CABLES1: variants seen among roughly 807,000 people sequenced by gnomAD.
The protein encoded by CABLES1 is Cdk5 and Abl enzyme substrate 1, also known as CDK5 and ABL1 enzyme substrate 1.
A neutral mutation model predicts 57.8 loss-of-function variants in CABLES1; 36 were observed. That is an observed-to-expected ratio of 0.62 (90% confidence interval 0.48 to 0.82). CABLES1 has a LOEUF of 0.82. CABLES1 is among the 40% of genes least tolerant of loss of function. CABLES1 has a pLI of 0.00. For synonymous variants in CABLES1, 374 were observed against 363.0 expected (o/e 1.03, Z -0.35); for missense variants, 767 against 836.6 (o/e 0.92, Z 1.03).
chr18:23,146,962 G>A (rs1598797640), intron 1 of CABLES1, among the ~76,000 whole-genome samples: 1 of 152,168 alleles, frequency 6.6e-6, no homozygotes, highest in East Asian at 1.9e-4. Context: ...ATCTGTTTAA[G>A]ACCTATGGGC....
At chr18:23,156,395 G>A (rs1412096716) in intron 1 of CABLES1, among the ~76,000 whole-genome samples, 1 of 152,190 alleles carries the variant, frequency 6.6e-6, no homozygotes, top group Non-Finnish European at 1.5e-5. Context: ...AGGCCCAGCG[G>A]GCACCAAGAT....
chr18:23,210,297 G>C (rs2047395621), intron 3 of CABLES1, among the ~76,000 whole-genome samples: 1 of 152,316 alleles, frequency 6.6e-6, no homozygotes, highest in African/African-American at 2.4e-5. Context: ...TCCAAGTAAA[G>C]TGTTGTATGT....
chr18:23,204,570 A>G (rs187960043), intron 3 of CABLES1: 66 of 152,506 alleles, frequency 4.3e-4, no homozygotes, highest in African/African-American at 1.5e-3. Flanking sequence ...TGCTGCTGAT[A>G]AAGACCTACA....
intron 1 of CABLES1, among the ~76,000 whole-genome samples, chr18:23,169,148 C>T (rs1184779383): frequency 2.0e-5 from 3 of 152,142 alleles, no homozygotes; most frequent in Admixed American, 1.3e-4. Flanking sequence ...TTACAGATGC[C>T]GTGGCAACGT....
intron 2 of CABLES1, among the ~76,000 whole-genome samples, chr18:23,191,114 A>G (rs2047239795): frequency 6.6e-6 from 1 of 151,512 alleles, no homozygotes; most frequent in African/African-American, 2.4e-5. Context: ...AACCAGGCAC[A>G]TGGATGTGCA....
At chr18:23,186,147 G>A (rs1045918584) in intron 1 of CABLES1, among the ~76,000 whole-genome samples, 4 of 152,216 alleles carry the variant, frequency 2.6e-5, no homozygotes, top group African/African-American at 7.2e-5. Flanking sequence ...GCATTTTGGG[G>A]TGACCCTGCC....
intron 1 of CABLES1, among the ~76,000 whole-genome samples, chr18:23,137,361 G>A (rs1463169403): frequency 6.6e-6 from 1 of 152,214 alleles, no homozygotes. Context: ...TCAGGAAATA[G>A]AGTTTGTCAC....
intron 2 of CABLES1, chr18:23,189,325 G>A (rs2047225234): frequency 5.7e-6 from 1 of 176,522 alleles, no homozygotes; most frequent in African/African-American, 2.4e-5. Context: ...CCCTGGCTAG[G>A]TGCTGGGAAG....
Position 23,162,461 on chromosome 18 carries a change from G to A in CABLES1, c.845+25854G>A, listed in dbSNP as rs113525977. On this transcript the variant is annotated intron_variant, in intron 1 of 9. Transcript: ENST00000256925. ...TGTTTTTCATTCAGTTCATTCTTTCGGGAGATGTTTATCAAGCATACACCA... is the reference window on the plus strand; with the variant it reads ...TGTTTTTCATTCAGTTCATTCTTTCAGGAGATGTTTATCAAGCATACACCA... 5.5e-4 allele frequency among the ~76,000 whole-genome samples: 84 copies of A among 152,188 alleles called. 1 individual carries two copies. Among genetic ancestry groups the A allele is most frequent in the African/African-American group, 2.0e-3 (81 of 41,504 alleles).
chr18:23,220,120 AGACT>A (rs2047475596), intron 4 of CABLES1, among the ~76,000 whole-genome samples: 4 of 152,210 alleles, frequency 2.6e-5, no homozygotes, highest in Non-Finnish European at 5.9e-5. Flanking sequence ...TGCTTGAAGC[AGACT>A]GCCCGAGTAT....
intron 9 of CABLES1, among the ~76,000 whole-genome samples, chr18:23,255,382 G>A (rs575591902): frequency 1.3e-5 from 2 of 152,230 alleles, no homozygotes; most frequent in East Asian, 3.9e-4. Context: ...AGGGCACTAA[G>A]GTAGGTACTC....
At position 23,194,451 on chromosome 18, in the gene CABLES1, T is replaced by G; in HGVS notation, c.921T>G (p.Cys307Trp). The G allele has an allele frequency of 6.2e-7, 1 of 1,604,944 alleles. No individual in the cohort carries two copies. Among genetic ancestry groups the G allele is most frequent in the Non-Finnish European group, 8.5e-7 (1 of 1,171,642 alleles). Residue 307 changes from cysteine to tryptophan, a missense_variant, in exon 3 of 10, where the codon TGT (cysteine) becomes TGG (tryptophan). Around this residue, in one of 4 missense-constraint regions of CABLES1, gnomAD observed 529 missense variants for 622.8 expected, o/e 0.85. Transcript: ENST00000256925. ...TTGAAATGACTTTATTTTTCAGATGTCGAACTCTCTCAGGTTCACCCAGAC... is the reference window on the plus strand; with the variant it reads ...TTGAAATGACTTTATTTTTCAGATGGCGAACTCTCTCAGGTTCACCCAGAC... ...DIEENAPLRR[C>W]RTLSGSPRPK...
At chr18:23,219,072 C>A in intron 4 of CABLES1, 1 of 411,646 alleles carries the variant, frequency 2.4e-6, no homozygotes. Flanking sequence ...CCTTGCCATA[C>A]CAGCATGCCA....
intron 7 of CABLES1, among the ~76,000 whole-genome samples, chr18:23,248,512 CTTTTTTTTTT>C (rs59555750): frequency 6.3e-4 from 57 of 90,730 alleles, no homozygotes; most frequent in African/African-American, 1.1e-3. Context: ...GACCCTATGT[CTTTTTTTTTT>C]TTTTTTTTTT....
intron 1 of CABLES1, among the ~76,000 whole-genome samples, chr18:23,144,148 C>CTGG (rs1043139211): frequency 2.0e-5 from 3 of 152,254 alleles, no homozygotes; most frequent in Non-Finnish European, 2.9e-5. Flanking sequence ...GTACACGCTC[C>CTGG]TGGCTGGGCC....
chr18:23,189,642 G>C (rs1325224636), intron 2 of CABLES1, among the ~76,000 whole-genome samples: 1 of 152,250 alleles, frequency 6.6e-6, no homozygotes. Flanking sequence ...GCAGGCGGCA[G>C]CAGGGAGGGC....
rs2046980766 is a variant in CABLES1, at chr18:23,158,535, A to G, written c.845+21928A>G. On this transcript the variant is annotated intron_variant, in intron 1 of 9. Coordinates refer to ENST00000256925, the MANE Select transcript of CABLES1 (RefSeq NM_001100619.3). ...GGTTGTCATTGCATCGTACACAGCC[A>G]GTAAGGGATTTTGTAATTTTCCAGT... Among the ~76,000 whole-genome samples the G allele has an allele frequency of 2.0e-5, 3 of 152,204 alleles. No individual in the cohort carries two copies. The South Asian group carries it at 6.2e-4, about 31-fold the overall frequency.
At chr18:23,240,390 A>C (rs1232022018) in intron 7 of CABLES1, among the ~76,000 whole-genome samples, 1 of 152,200 alleles carries the variant, frequency 6.6e-6, no homozygotes, top group Non-Finnish European at 1.5e-5. Context: ...CAGAGCCCAC[A>C]AATGATGATG....
rs2046817491 is a variant in CABLES1, at chr18:23,136,055, CCGGCGGCG to C, written c.295_302del (p.Gly99LeufsTer198). On this transcript the variant is annotated frameshift_variant, in exon 1 of 10. Coordinates refer to ENST00000256925, the MANE Select transcript of CABLES1 (RefSeq NM_001100619.3). LOFTEE classifies it high-confidence loss of function. ...GAGGGCGGCGCGGCCAAGCCGGGCG[CCGGCGGCG>C]CCTGCGGCGCGAGGACTCGGTTCAG... The C allele has an allele frequency of 2.9e-6, 2 of 700,812 alleles. No individual in the cohort carries two copies. The highest frequency in any genetic ancestry group is 1.5e-4 in the Admixed American group (2 of 13,104). The allele number at this position is 700,812 out of a possible 1,614,324, so 43.4% of individuals were successfully genotyped here. A position where few individuals can be genotyped will look rare whatever the true frequency, so the allele number is the denominator to read the frequency against.
Sources: allele counts gnomAD v4.1 joint callset (sites outside exome capture counted in the v4.1 genomes callset), GRCh38; gene constraint gnomAD v4.1.1; regional missense constraint gnomAD v4.1.1; transcripts MANE v1.5; gene names NCBI Gene and HGNC (gene_info 2026-07-23, HGNC 2026-07-21).